NTM: variants seen among roughly 807,000 people sequenced by gnomAD.
NTM encodes IgLON family member 2.
Under a neutral mutation model 42.1 loss-of-function variants are expected in NTM, and 13 were observed. The ratio of observed to expected loss-of-function variants is 0.31; its 90% CI spans 0.20 to 0.49. The LOEUF (loss-of-function observed/expected upper bound fraction) is 0.49. Among genes scored for constraint, NTM ranks in the 20% least tolerant of loss-of-function variants. The pLI is 0.99. For synonymous variants in NTM, 187 were observed against 179.2 expected (o/e 1.04, Z -0.35); for missense variants, 373 against 452.8 (o/e 0.82, Z 1.60).
intron 1 of NTM, among the ~76,000 whole-genome samples, chr11:131,572,009 C>T (rs2057483429): frequency 6.6e-6 from 1 of 152,194 alleles, no homozygotes. Context: ...CCTGGTTGGG[C>T]CAATTTAAAA....
chr11:131,988,231 G>C (rs970448308), intron 2 of NTM, among the ~76,000 whole-genome samples: 5 of 152,220 alleles, frequency 3.3e-5, no homozygotes, highest in Admixed American at 3.3e-4. Context: ...CCTGCTTCCA[G>C]ATACCAGTAC....
intron 1 of NTM, among the ~76,000 whole-genome samples, chr11:131,504,878 T>C (rs754955445): frequency 1.3e-5 from 2 of 152,174 alleles, no homozygotes; most frequent in African/African-American, 2.4e-5. Flanking sequence ...CTTTCTCTCC[T>C]CTTTTGGCAA....
chr11:131,687,964 G>A (rs1444227927), intron 1 of NTM, among the ~76,000 whole-genome samples: 2 of 152,234 alleles, frequency 1.3e-5, no homozygotes, highest in Non-Finnish European at 2.9e-5. Context: ...TACCACGCAG[G>A]CCTCTGGAGT....
chr11:131,454,124 T>C (rs1026915945), intron 1 of NTM, among the ~76,000 whole-genome samples: 2 of 152,238 alleles, frequency 1.3e-5, no homozygotes, highest in Non-Finnish European at 2.9e-5. Context: ...TTCAGTTACC[T>C]GCAGTACAGT....
chr11:131,484,540 C>A (rs1442964521), intron 1 of NTM, among the ~76,000 whole-genome samples: 1 of 152,142 alleles, frequency 6.6e-6, no homozygotes, highest in Non-Finnish European at 1.5e-5. Context: ...AGGCAAGGGG[C>A]AGAGGTGAAG....
intron 2 of NTM, among the ~76,000 whole-genome samples, chr11:132,101,887 A>G (rs1203953766): frequency 6.6e-6 from 1 of 152,222 alleles, no homozygotes; most frequent in Non-Finnish European, 1.5e-5. Flanking sequence ...AAACTATTAT[A>G]GTCCTTGACT....
intron 2 of NTM, among the ~76,000 whole-genome samples, chr11:131,963,532 C>T (rs943977088): frequency 6.6e-6 from 1 of 152,170 alleles, no homozygotes; most frequent in Non-Finnish European, 1.5e-5. Context: ...ATGCAAGACA[C>T]CCATGGAGAA....
chr11:131,374,651 T>C (rs1941722443), intron 1 of NTM, among the ~76,000 whole-genome samples: 2 of 152,126 alleles, frequency 1.3e-5, no homozygotes, highest in African/African-American at 4.8e-5. Context: ...GTTCCCTGGG[T>C]TCTGCTCTCT....
chr11:131,831,515 T>C (rs1378357773), intron 1 of NTM, among the ~76,000 whole-genome samples: 1 of 151,990 alleles, frequency 6.6e-6, no homozygotes, highest in Non-Finnish European at 1.5e-5. Context: ...CTAGTGGGAG[T>C]CCCAGCCTGA....
intron 1 of NTM, among the ~76,000 whole-genome samples, chr11:131,633,620 C>CCTCTCTCTCTCTCT (rs111781828): frequency 9.2e-6 from 1 of 108,984 alleles, no homozygotes. Flanking sequence ...TCACTCTCTC[C>CCTCTCTCTCTCTCT]CTCTCTCTAT....
chr11:131,514,698 C>T (rs1202628722), intron 1 of NTM, among the ~76,000 whole-genome samples: 1 of 152,054 alleles, frequency 6.6e-6, no homozygotes, highest in East Asian at 1.9e-4. Context: ...CCCACCTCAG[C>T]CTCCCAAGTA....
Position 131,550,646 on chromosome 11 carries a change from A to T in NTM, c.82+179758A>T, listed in dbSNP as rs150309643. Among the ~76,000 whole-genome samples, 296 of 152,228 alleles carry T rather than the reference A, an allele frequency of 1.9e-3. 1 individual carries two copies. In the Middle Eastern group the frequency reaches 0.024, roughly 12 times the overall value. On this transcript the variant is annotated intron_variant, in intron 1 of 8. Transcript: ENST00000683400. ...CAGCCTGTGGAACCATGAGCCAATT[A>T]ACCCTTTTTTTCTTTATAAATTACC...
At chr11:131,468,424 A>G (rs75126574) in intron 1 of NTM, among the ~76,000 whole-genome samples, 32 of 152,342 alleles carry the variant, frequency 2.1e-4, no homozygotes, top group African/African-American at 7.2e-4. Flanking sequence ...GAGAACCAGG[A>G]AGCAGCAACA....
chr11:131,671,496 G>A, intron 1 of NTM: 2 of 985,190 alleles, frequency 2.0e-6, no homozygotes, highest in Non-Finnish European at 2.4e-6. Flanking sequence ...TTAGCCCTGG[G>A]CTGGCAGGGC....
chr11:132,220,798 G>C (rs1297356166), intron 4 of NTM, among the ~76,000 whole-genome samples: 2 of 152,158 alleles, frequency 1.3e-5, no homozygotes, highest in Non-Finnish European at 2.9e-5. Flanking sequence ...AAACATAATA[G>C]CAAGAAGATT....
intron 2 of NTM, among the ~76,000 whole-genome samples, chr11:131,962,409 G>A (rs2062303076): frequency 6.6e-6 from 1 of 152,194 alleles, no homozygotes; most frequent in African/African-American, 2.4e-5. Context: ...GGACTTTGAA[G>A]GTGATTGGAT....
intron 1 of NTM, among the ~76,000 whole-genome samples, chr11:131,838,463 G>A (rs1343701634): frequency 6.6e-6 from 1 of 152,164 alleles, no homozygotes; most frequent in African/African-American, 2.4e-5. Context: ...TATTAGTTGT[G>A]TTGCAAATTG....
intron 2 of NTM, among the ~76,000 whole-genome samples, chr11:132,114,114 T>G (rs2136806542): frequency 6.6e-6 from 1 of 152,354 alleles, no homozygotes; most frequent in African/African-American, 2.4e-5. Context: ...TTATTTCTAT[T>G]CGGATGCAAG....
intron 2 of NTM, among the ~76,000 whole-genome samples, chr11:132,091,458 A>G (rs956732876): frequency 2.6e-5 from 4 of 152,036 alleles, no homozygotes; most frequent in African/African-American, 9.7e-5. Flanking sequence ...ATAGTTGACT[A>G]TATTTCTCAA....
Sources: gnomAD v4.1 joint callset for allele counts (sites outside exome capture counted in the v4.1 genomes callset) on GRCh38, gnomAD v4.1.1 for gene constraint, MANE v1.5 for transcripts, NCBI Gene and HGNC (gene_info 2026-07-23, HGNC 2026-07-21) for gene names.